Variants in STAMBPL1 observed in about 807,000 individuals in gnomAD.
STAMBPL1 encodes the protein AMSH-like protease.
Under a neutral mutation model 52.9 loss-of-function variants are expected in STAMBPL1, and 44 were observed. That is an observed-to-expected ratio of 0.83 (90% CI 0.65 to 1.07). The LOEUF is 1.07. Ranked by LOEUF, STAMBPL1 falls within the 50% of genes least tolerant of loss-of-function variation. STAMBPL1 has a pLI of 0.00. For missense variants in STAMBPL1, 511 were observed against 520.8 expected (o/e 0.98, Z 0.18); for synonymous variants, 164 against 177.3 (o/e 0.92, Z 0.60).
At chr10:88,893,710 C>T (rs1294661605) in intron 1 of STAMBPL1, among the ~76,000 whole-genome samples, 3 of 152,156 alleles carry the variant, frequency 2.0e-5, no homozygotes, top group South Asian at 4.2e-4. Context: ...CATTGCACTC[C>T]AGCCTGGGCA....
At chr10:88,889,180 T>C (rs1844616331) in intron 1 of STAMBPL1, among the ~76,000 whole-genome samples, 1 of 152,228 alleles carries the variant, frequency 6.6e-6, no homozygotes, top group African/African-American at 2.4e-5. Flanking sequence ...CCTCTTTTGA[T>C]GGCTATTTAT....
Position 88,914,552 on chromosome 10 carries a change from T to C in STAMBPL1, c.797T>C (p.Leu266Pro). The C allele has an allele frequency of 6.5e-7, 1 of 1,535,464 alleles. No individual in the cohort carries two copies. Among genetic ancestry groups the C allele is most frequent in the East Asian group, 2.5e-5 (1 of 39,880 alleles). ...TTCTTAGATTTAGTGGTTGAAGGAC[T>C]GCGATGTGTAGTTTTGCCAGAAGAT... ...SAVQNLVVEGLRCVVLPEDLC... is the reference protein window; with the variant it reads ...SAVQNLVVEGPRCVVLPEDLC... The change falls in exon 7 of 11, where the codon CTG becomes CCG. Residue 266 changes from leucine to proline, a missense_variant. Leu to Pro is a moderately conservative substitution (Grantham distance 98). This residue lies in a region of STAMBPL1 where 358 missense variants were observed against 343.5 expected (regional missense o/e 1.04). Transcript: ENST00000371926.
chr10:88,892,258 G>A (rs377526321), intron 1 of STAMBPL1, among the ~76,000 whole-genome samples: 8 of 152,134 alleles, frequency 5.3e-5, no homozygotes, highest in African/African-American at 1.9e-4. Flanking sequence ...AACATCCTGG[G>A]CTGGAGATCC....
At chr10:88,896,031 T>A (rs1164298590) in intron 1 of STAMBPL1, among the ~76,000 whole-genome samples, 1 of 152,220 alleles carries the variant, frequency 6.6e-6, no homozygotes, top group African/African-American at 2.4e-5. Flanking sequence ...ATGTGGAATA[T>A]ACCTCTAGAA....
At chr10:88,884,036 A>G (rs973219268) in intron 1 of STAMBPL1, among the ~76,000 whole-genome samples, 2 of 152,192 alleles carry the variant, frequency 1.3e-5, no homozygotes, top group Admixed American at 1.3e-4. Flanking sequence ...AGTGGGTAAT[A>G]ATAATGCAAA....
rs1330279294 is a variant in STAMBPL1 at position 88,913,353 on chromosome 10, G to C, written c.673G>C (p.Val225Leu). The change falls in exon 6 of 11, where the codon GTA becomes CTA. Residue 225 changes from valine (V) to leucine (L), a missense_variant. Transcript: ENST00000371926. ...ACACCAGAACAATTCCTTGCTGAATGTATTTGCAGATCAACCTAATAAAAG... is the reference window on the plus strand; with the variant it reads ...ACACCAGAACAATTCCTTGCTGAATCTATTTGCAGATCAACCTAATAAAAG... ...STHQNNSLLNVFADQPNKSDA... is the reference protein window; with the variant it reads ...STHQNNSLLNLFADQPNKSDA... 1.2e-6 allele frequency: 2 copies of C among 1,613,758 alleles called. No homozygotes were observed. Among genetic ancestry groups the C allele is most frequent in the Non-Finnish European group, 8.5e-7 (1 of 1,179,842 alleles).
In STAMBPL1 at chr10:88,905,491, G is replaced by C; in HGVS notation, c.79G>C (p.Glu27Gln). 6.2e-7 allele frequency: 1 copy of C among 1,614,104 alleles called. No homozygotes were observed. Among genetic ancestry groups the C allele is most frequent in the East Asian group, 2.2e-5 (1 of 44,878 alleles). Reference protein sequence around the residue: ...PDHTDVSLSPEERVRALSKLG... With the variant: ...PDHTDVSLSPQERVRALSKLG... ...CCATACAGATGTTTCCCTAAGCCCA[G>C]AAGAGCGAGTCCGTGCCCTAAGCAA... The change falls in exon 3 of 11, where the codon GAA becomes CAA. Residue 27 changes from glutamate to glutamine, a missense_variant. Coordinates refer to ENST00000371926, the MANE Select transcript of STAMBPL1 (RefSeq NM_020799.4).
At chr10:88,885,190 T>G (rs1283060849) in intron 1 of STAMBPL1, among the ~76,000 whole-genome samples, 2 of 152,070 alleles carry the variant, frequency 1.3e-5, no homozygotes, top group African/African-American at 2.4e-5. Flanking sequence ...TTTCCTAACT[T>G]GTATGGATCC....
chr10:88,917,811 G>A (rs72809325), intron 8 of STAMBPL1, among the ~76,000 whole-genome samples: 28,661 of 152,000 alleles, frequency 0.19, 2,920 homozygotes, highest in African/African-American at 0.26. Context: ...AATTTATTTT[G>A]TCTGGTCTTG....
In STAMBPL1 at chr10:88,923,334, T is replaced by A. The variant is rs562493622; in HGVS notation, c.*110T>A. 9.8e-4 allele frequency: 1,400 copies of A among 1,423,880 alleles called. 7 individuals are homozygous for A. In the African/African-American group the frequency reaches 0.015, roughly 15 times the overall value. The allele number at this position is 1,423,880 out of a possible 1,614,324, so 88.2% of individuals were successfully genotyped here. A position where few individuals can be genotyped will look rare whatever the true frequency, so the allele number is the denominator to read the frequency against. ...ATGACTGATATTTTATATTTATACATTTTAGATGACAAAGCTTGATATTTA... is the reference window on the plus strand; with the variant it reads ...ATGACTGATATTTTATATTTATACAATTTAGATGACAAAGCTTGATATTTA... On this transcript the variant is annotated 3_prime_UTR_variant, in exon 11 of 11. Transcript: ENST00000371926.
At chr10:88,885,161 A>G (rs928281573) in intron 1 of STAMBPL1, among the ~76,000 whole-genome samples, 2 of 152,202 alleles carry the variant, frequency 1.3e-5, no homozygotes, top group Admixed American at 6.5e-5. Flanking sequence ...AACCCAGGCA[A>G]TATGACTCCA....
chr10:88,892,388 C>T (rs1050506568), intron 1 of STAMBPL1, among the ~76,000 whole-genome samples: 2 of 151,622 alleles, frequency 1.3e-5, no homozygotes, highest in Admixed American at 6.6e-5. Context: ...GGCCAGCACA[C>T]CCCTCCTCCA....
chr10:88,921,228 A>G (rs1396168437), intron 8 of STAMBPL1, 55 bp from the exon 9 acceptor site: 11 of 1,376,716 alleles, frequency 8.0e-6, no homozygotes, highest in East Asian at 4.6e-5. Flanking sequence ...AAAATAGCCT[A>G]TGGCCTTGGC....
chr10:88,923,115 TA>T, intron 10 of STAMBPL1, 52 bp from the exon 11 acceptor site: 2 of 1,299,616 alleles, frequency 1.5e-6, no homozygotes, highest in East Asian at 2.4e-5. Flanking sequence ...AATCATATGG[TA>T]AACATTATGG....
At chr10:88,898,874 C>G (rs1844874882) in intron 1 of STAMBPL1, among the ~76,000 whole-genome samples, 1 of 152,194 alleles carries the variant, frequency 6.6e-6, no homozygotes, top group South Asian at 2.1e-4. Context: ...TTCAGCCAGG[C>G]TGCAGGCATG....
Position 88,913,375 on chromosome 10 carries a change from A to G in STAMBPL1, c.695A>G (p.Lys232Arg). The G allele has an allele frequency of 1.2e-6, 2 of 1,613,810 alleles. No homozygotes were observed. The highest frequency in any genetic ancestry group is 1.7e-4 in the Middle Eastern group (1 of 6,052). The change falls in exon 6 of 11, where the codon AAA (lysine) becomes AGA (arginine). Residue 232 changes from lysine (K) to arginine (R), a missense_variant. Around this residue, in one of 3 missense-constraint regions of STAMBPL1, gnomAD observed 358 missense variants for 343.5 expected, o/e 1.04. Coordinates refer to ENST00000371926, the MANE Select transcript of STAMBPL1 (RefSeq NM_020799.4). ...LLNVFADQPN[K>R]SDATNYASHS... ...AATGTATTTGCAGATCAACCTAATA[A>G]AAGTGATGCAACCAATTATGCTAGC...
chr10:88,913,925 C>T (rs978753396), intron 6 of STAMBPL1, among the ~76,000 whole-genome samples: 16 of 152,160 alleles, frequency 1.1e-4, no homozygotes, highest in African/African-American at 3.6e-4. Flanking sequence ...AATTAACCTC[C>T]AAATGGACCG....
chr10:88,899,156 G>A (rs1844882675), intron 1 of STAMBPL1, among the ~76,000 whole-genome samples: 1 of 152,192 alleles, frequency 6.6e-6, no homozygotes, highest in Non-Finnish European at 1.5e-5. Flanking sequence ...CTTCCTAGAA[G>A]TTTGTGTTTT....
chr10:88,886,889 A>G (rs1234342996), intron 1 of STAMBPL1, among the ~76,000 whole-genome samples: 1 of 151,872 alleles, frequency 6.6e-6, no homozygotes, highest in Non-Finnish European at 1.5e-5. Flanking sequence ...AATGATGATT[A>G]TGGCTAAATT....
Sources: gnomAD v4.1 joint callset for allele counts (sites outside exome capture counted in the v4.1 genomes callset) on GRCh38, gnomAD v4.1.1 for gene constraint, gnomAD v4.1.1 regional missense constraint, MANE v1.5 for transcripts, NCBI Gene and HGNC (gene_info 2026-07-23, HGNC 2026-07-21) for gene names.